Variants in MLLT3 observed in about 807,000 individuals in gnomAD.
MLLT3 encodes the protein protein AF-9.
A neutral mutation model predicts 53.2 loss-of-function variants in MLLT3; 4 were observed. The ratio of observed to expected loss-of-function variants is 0.08; its 90% confidence interval spans 0.04 to 0.17. The LOEUF is 0.17. Among genes scored for constraint, MLLT3 ranks in the 10% least tolerant of loss-of-function variants. The pLI, the probability that MLLT3 is intolerant of heterozygous loss-of-function variation, is 1.00. For missense variants in MLLT3, 569 were observed against 684.0 expected (o/e 0.83, Z 1.87); for synonymous variants, 283 against 230.6 (o/e 1.23, Z -2.06).
At chr9:20,401,209 C>T (rs1822445261) in intron 5 of MLLT3, among the ~76,000 whole-genome samples, 1 of 152,158 alleles carries the variant, frequency 6.6e-6, no homozygotes, top group Admixed American at 6.6e-5. Context: ...TAAAGCTCTG[C>T]TCCTATCTTA....
intron 3 of MLLT3, among the ~76,000 whole-genome samples, chr9:20,454,723 A>G (rs1304644785): frequency 6.6e-6 from 1 of 152,238 alleles, no homozygotes; most frequent in African/African-American, 2.4e-5. Context: ...GAAAAGCACC[A>G]TATGATCTTC....
intron 2 of MLLT3, among the ~76,000 whole-genome samples, chr9:20,618,252 T>C: frequency 6.6e-6 from 1 of 152,350 alleles, no homozygotes; most frequent in East Asian, 1.9e-4. Flanking sequence ...ATAGCTAACA[T>C]AACACTTTAA....
intron 2 of MLLT3, among the ~76,000 whole-genome samples, chr9:20,464,106 C>T (rs1402966036): frequency 6.6e-6 from 1 of 151,410 alleles, no homozygotes; most frequent in Non-Finnish European, 1.5e-5. Flanking sequence ...AGCCCTCTGG[C>T]ATCAAAATTT....
rs535874605 is a variant in MLLT3 at position 20,598,167 on chromosome 9, C to A, written c.193+22487G>T. Among the ~76,000 whole-genome samples, 9 of 152,164 alleles carry A rather than the reference C, an allele frequency of 5.9e-5. No individual in the cohort carries two copies. In the South Asian group the frequency reaches 1.9e-3, roughly 32 times the overall value. ...AACAGTCTCTGAAAAGAGAAGCAAA[C>A]CAACATAAAATGCTGTAGAAACCAA... On this transcript the variant is annotated intron_variant, in intron 2 of 10. Coordinates refer to ENST00000380338, the MANE Select transcript of MLLT3 (RefSeq NM_004529.4).
intron 2 of MLLT3, among the ~76,000 whole-genome samples, chr9:20,603,222 T>C (rs1206037958): frequency 6.6e-6 from 1 of 152,074 alleles, no homozygotes; most frequent in East Asian, 1.9e-4. Context: ...TATAGCCACA[T>C]TGTTTTTCAA....
At chr9:20,355,197 T>C (rs571429157) in intron 8 of MLLT3, among the ~76,000 whole-genome samples, 4 of 152,010 alleles carry the variant, frequency 2.6e-5, no homozygotes, top group Non-Finnish European at 5.9e-5. Context: ...ACCATATGTA[T>C]AGCAGCTGAG....
chr9:20,363,495 C>T lies in MLLT3; in HGVS notation c.1312G>A (p.Gly438Arg), dbSNP rs1192509878. 1.2e-6 allele frequency: 2 copies of T among 1,613,810 alleles called. No individual in the cohort carries two copies. The highest frequency in any genetic ancestry group is 2.7e-5 in the African/African-American group (2 of 74,926). Residue 438 changes from glycine (G) to arginine (R), a missense_variant, in exon 7 of 11, where the codon GGA becomes AGA. Gly to Arg is a moderately radical substitution (Grantham distance 125). This residue lies in a region of MLLT3 where 437 missense variants were observed against 376.5 expected (regional missense o/e 1.16). Coordinates refer to ENST00000380338, the MANE Select transcript of MLLT3 (RefSeq NM_004529.4). The stretch of plus-strand genomic sequence containing the variant: ...ACTCACCTGCGACTTCGGCTGCCTC[C>T]TCTATTTACAGGCCTCTCCATTTCA... ...DSEMERPVNR[G>R]GSRSRRVSLS...
In MLLT3 at chr9:20,477,074, C is replaced by T. The variant is rs148528494; in HGVS notation, c.194-20288G>A. Reference sequence around the variant, plus strand: ...CTAGAACAGGGATACGGACTTTTGTCTCCTCCCTTCTCTGGGGCCCAGTGG... The same window carrying T: ...CTAGAACAGGGATACGGACTTTTGTTTCCTCCCTTCTCTGGGGCCCAGTGG... On this transcript the variant is annotated intron_variant, in intron 2 of 10. Transcript: ENST00000380338. 7.3e-4 allele frequency among the ~76,000 whole-genome samples: 111 copies of T among 152,216 alleles called. 1 individual carries two copies. The highest frequency in any genetic ancestry group is 2.5e-3 in the African/African-American group (103 of 41,556).
chr9:20,401,061 A>T (rs1822442240), intron 5 of MLLT3, among the ~76,000 whole-genome samples: 1 of 152,170 alleles, frequency 6.6e-6, no homozygotes, highest in Admixed American at 6.5e-5. Context: ...GAGGAGGAGA[A>T]AAAGGGAGAG....
intron 2 of MLLT3, among the ~76,000 whole-genome samples, chr9:20,543,719 G>A (rs1310809301): frequency 1.3e-5 from 2 of 151,628 alleles, no homozygotes; most frequent in African/African-American, 4.9e-5. Flanking sequence ...GGAGGACGGA[G>A]GAGGAAGGAG....
chr9:20,571,017 C>A (rs1182405977), intron 2 of MLLT3, among the ~76,000 whole-genome samples: 8 of 152,210 alleles, frequency 5.3e-5, no homozygotes, highest in African/African-American at 1.9e-4. Flanking sequence ...AAACTCTAGG[C>A]TTTATCACTC....
chr9:20,451,595 T>C (rs542531418), intron 3 of MLLT3, among the ~76,000 whole-genome samples: 1 of 152,312 alleles, frequency 6.6e-6, no homozygotes, highest in South Asian at 2.1e-4. Context: ...TATCTTCTCT[T>C]AGAAGGCAGA....
At chr9:20,419,187 GA>G (rs951160096) in intron 4 of MLLT3, among the ~76,000 whole-genome samples, 14 of 151,744 alleles carry the variant, frequency 9.2e-5, no homozygotes, top group African/African-American at 2.4e-4. Flanking sequence ...ATAACTTCTG[GA>G]AAAAAATGTT....
chr9:20,617,408 T>C (rs1820858253), intron 2 of MLLT3, among the ~76,000 whole-genome samples: 1 of 152,086 alleles, frequency 6.6e-6, no homozygotes, highest in South Asian at 2.1e-4. Flanking sequence ...TAAAAAGCTA[T>C]CAAATCCTAC....
intron 6 of MLLT3, among the ~76,000 whole-genome samples, chr9:20,364,627 G>C (rs1000558697): frequency 6.6e-6 from 1 of 152,098 alleles, no homozygotes; most frequent in Non-Finnish European, 1.5e-5. Context: ...TATTTCTTTG[G>C]AAGTCAGTGA....
intron 8 of MLLT3, among the ~76,000 whole-genome samples, chr9:20,356,151 C>G (rs1005021568): frequency 6.6e-6 from 1 of 152,030 alleles, no homozygotes; most frequent in Admixed American, 6.5e-5. Context: ...TGGAAAAGAC[C>G]GAATACTCCT....
intron 10 of MLLT3, among the ~76,000 whole-genome samples, chr9:20,348,055 A>C (rs1820921942): frequency 6.6e-6 from 1 of 152,122 alleles, no homozygotes; most frequent in African/African-American, 2.4e-5. Context: ...TGACATATTA[A>C]CTCTCAATCC....
chr9:20,551,112 T>C (rs4977427), intron 2 of MLLT3, among the ~76,000 whole-genome samples: 22,872 of 152,226 alleles, frequency 0.15, 2,326 homozygotes, highest in Middle Eastern at 0.24. Context: ...AAAATACTCA[T>C]CGTGAAAATC....
chr9:20,556,330 G>A (rs1458582005), intron 2 of MLLT3, among the ~76,000 whole-genome samples: 1 of 152,046 alleles, frequency 6.6e-6, no homozygotes, highest in African/African-American at 2.4e-5. Flanking sequence ...TATTACATAA[G>A]TATGACATGA....
Sources: gnomAD v4.1 joint callset for allele counts (sites outside exome capture counted in the v4.1 genomes callset) on GRCh38, gnomAD v4.1.1 for gene constraint, gnomAD v4.1.1 regional missense constraint, MANE v1.5 for transcripts, NCBI Gene and HGNC (gene_info 2026-07-23, HGNC 2026-07-21) for gene names.